Variants in FAM120C observed in about 807,000 individuals in gnomAD.
The protein encoded by FAM120C is family with sequence similarity 120 member C, also known as constitutive coactivator of PPAR-gamma-like protein 2.
A neutral mutation model predicts 71.2 loss-of-function variants in FAM120C; 14 were observed. The observed-to-expected ratio is 0.20, with a 90% confidence interval of 0.13 to 0.31. The LOEUF (loss-of-function observed/expected upper bound fraction) is 0.31. FAM120C is among the 10% of genes least tolerant of loss of function. The pLI, the probability that FAM120C is intolerant of heterozygous loss-of-function variation, is 1.00. For missense variants in FAM120C, 500 were observed against 879.0 expected, an observed-to-expected ratio of 0.57 and a Z score of 5.45; for synonymous variants, 354 against 353.2, an observed-to-expected ratio of 1.00 and a Z score of -0.03.
intron 10 of FAM120C, among the ~76,000 whole-genome samples, chrX:54,108,481 T>C (rs2066918183): frequency 9.0e-6 from 1 of 111,214 alleles, no homozygotes; most frequent in Non-Finnish European, 1.9e-5. Flanking sequence ...ATAACTAGTA[T>C]AAGTCTCAAA....
chrX:54,164,882 T>A (rs1237713011), intron 1 of FAM120C, among the ~76,000 whole-genome samples: 1 of 112,287 alleles, frequency 8.9e-6, no homozygotes, highest in Non-Finnish European at 1.9e-5. Flanking sequence ...CAACAGTGCA[T>A]AAGGGTTCCA....
intron 1 of FAM120C, among the ~76,000 whole-genome samples, chrX:54,181,066 ATTAGT>A (rs1557137334): frequency 6.5e-5 from 7 of 107,554 alleles, no homozygotes; most frequent in African/African-American, 2.0e-4. Context: ...TCACGTTTGG[ATTAGT>A]TTAAATTAAA....
At chrX:54,080,418 C>T in intron 14 of FAM120C, 129 bp from the exon 15 acceptor site, 1 of 507,629 alleles carries the variant, frequency 2.0e-6, no homozygotes, top group Non-Finnish European at 3.4e-6. Context: ...CTCAGTGTTA[C>T]TACTGAACAT....
chrX:54,171,786 G>A (rs974916386), intron 1 of FAM120C: 6 of 112,050 alleles, frequency 5.4e-5, no homozygotes, highest in Non-Finnish European at 1.1e-4. Context: ...TACTTCCGAG[G>A]TATTTGTAGA....
chrX:54,122,897 CT>C, intron 9 of FAM120C, among the ~76,000 whole-genome samples: 2 of 24,991 alleles, frequency 8.0e-5, no homozygotes, highest in African/African-American at 2.1e-4. Flanking sequence ...TTCAGGAGCT[CT>C]TTTAGGGCAG....
intron 1 of FAM120C, among the ~76,000 whole-genome samples, chrX:54,175,069 CCT>C (rs1225189602): frequency 9.0e-6 from 1 of 111,058 alleles, no homozygotes; most frequent in Non-Finnish European, 1.9e-5. Flanking sequence ...GCTTTGTACC[CCT>C]GACTTCAACA....
At chrX:54,112,569 C>T (rs868954224) in intron 10 of FAM120C, among the ~76,000 whole-genome samples, 9 of 108,883 alleles carry the variant, frequency 8.3e-5, no homozygotes, top group African/African-American at 3.0e-4. Context: ...GGGCCGGGTG[C>T]GGTGGCTCAT....
In FAM120C at chrX:54,073,161, G is replaced by A; in HGVS notation, c.3163C>T (p.Gln1055Ter). Residue 1055 changes from glutamine (Q) to a stop codon, truncating the protein, a stop_gained, in exon 16 of 16, where the codon CAA becomes TAA. Transcript: ENST00000375180. LOFTEE classifies it high-confidence loss of function. ...TTGCTGTCTCTGGATAAGGCACATT[G>A]TGATGGAGCTGGAAGACGATGATCA... ...KSDHRLPAPS[Q>*]CALSRDSNEC... is the part of the protein sequence containing the mutation. 8.3e-7 allele frequency: 1 copy of A among 1,211,481 alleles called. No individual in the cohort carries two copies. The highest frequency in any genetic ancestry group is 1.1e-6 in the Non-Finnish European group (1 of 895,459).
At chrX:54,135,431 A>G (rs2067089715) in intron 6 of FAM120C, 97 bp downstream of exon 6, 4 of 766,998 alleles carry the variant, frequency 5.2e-6, no homozygotes, top group Non-Finnish European at 7.7e-6. Context: ...TAGCCCTGAC[A>G]GTCTAATAAC....
Position 54,156,454 on chromosome X carries a change from C to G in FAM120C, c.1029+1235G>C, listed in dbSNP as rs782416823. Among the ~76,000 whole-genome samples, 26 of 106,545 alleles carry G rather than the reference C, an allele frequency of 2.4e-4. No individual in the cohort carries two copies. In the Admixed American group the frequency reaches 2.7e-3, roughly 11 times the overall value. 92.5% of individuals were successfully genotyped at this position (106,545 alleles called of 115,157 possible). On this transcript the variant is annotated intron_variant, in intron 3 of 15. Transcript: ENST00000375180. ...TCTCCTGCCTCAGCCTCCTGAGTGGCTGGGACTACAGGCACGTGCCACCAC... is the reference window on the plus strand; with the variant it reads ...TCTCCTGCCTCAGCCTCCTGAGTGGGTGGGACTACAGGCACGTGCCACCAC...
At chrX:54,087,508 CAG>C (rs1281417382) in intron 12 of FAM120C, among the ~76,000 whole-genome samples, 3 of 110,643 alleles carry the variant, frequency 2.7e-5, no homozygotes, top group African/African-American at 9.9e-5. Flanking sequence ...AAGAAATACT[CAG>C]AGTAAGAAAA....
At chrX:54,111,830 C>T (rs1290506210) in intron 10 of FAM120C, among the ~76,000 whole-genome samples, 3 of 111,760 alleles carry the variant, frequency 2.7e-5, no homozygotes, top group Non-Finnish European at 5.6e-5. Flanking sequence ...GTAGCCAAAA[C>T]AATACTACAC....
intron 10 of FAM120C, among the ~76,000 whole-genome samples, chrX:54,106,058 AC>A (rs1183290912): frequency 8.9e-6 from 1 of 111,928 alleles, no homozygotes; most frequent in Non-Finnish European, 1.9e-5. Flanking sequence ...GAAAAAAACT[AC>A]TTTAAATTTC....
At chrX:54,104,185 A>G (rs1339994296) in intron 10 of FAM120C, among the ~76,000 whole-genome samples, 7 of 111,751 alleles carry the variant, frequency 6.3e-5, no homozygotes, top group African/African-American at 2.3e-4. Context: ...AGCCTGACTG[A>G]GTTCTTCAGT....
Position 54,074,095 on chromosome X carries a change from G to A in FAM120C, c.3037-808C>T, listed in dbSNP as rs1213139688. Reference sequence around the variant, plus strand: ...CCTGCCTCAGCCTCCCAAAGTGCTGGGATTATGGGTGTGAGCCACCGCACC... The same window carrying A: ...CCTGCCTCAGCCTCCCAAAGTGCTGAGATTATGGGTGTGAGCCACCGCACC... On this transcript the variant is annotated intron_variant, in intron 15 of 15. Coordinates refer to ENST00000375180, the MANE Select transcript of FAM120C (RefSeq NM_017848.6). Among the ~76,000 whole-genome samples the A allele has an allele frequency of 1.5e-4, 17 of 111,535 alleles. No homozygotes were observed. In the Admixed American group the frequency reaches 1.6e-3, roughly 11 times the overall value.
chrX:54,144,398 C>T (rs1227024265), intron 4 of FAM120C, among the ~76,000 whole-genome samples: 4 of 111,827 alleles, frequency 3.6e-5, no homozygotes, highest in South Asian at 3.7e-4. Context: ...GATGACATGA[C>T]TGTATATTTA....
chrX:54,180,497 C>T (rs1158316045), intron 1 of FAM120C, among the ~76,000 whole-genome samples: 1 of 112,605 alleles, frequency 8.9e-6, no homozygotes, highest in Non-Finnish European at 1.9e-5. Flanking sequence ...GCAGCTAGTA[C>T]TTAGCCTACA....
intron 10 of FAM120C, among the ~76,000 whole-genome samples, chrX:54,110,942 C>T (rs886264000): frequency 9.1e-6 from 1 of 109,835 alleles, no homozygotes; most frequent in Non-Finnish European, 1.9e-5. Flanking sequence ...CCCCTGTAAT[C>T]CCAGCTATTC....
chrX:54,179,209 T>C (rs187683185), intron 1 of FAM120C, among the ~76,000 whole-genome samples: 111 of 112,302 alleles, frequency 9.9e-4, no homozygotes, highest in African/African-American at 3.2e-3. Context: ...ACACACTGGA[T>C]CTTTTCATGG....
Sources: allele counts gnomAD v4.1 joint callset (sites outside exome capture counted in the v4.1 genomes callset), GRCh38; gene constraint gnomAD v4.1.1; transcripts MANE v1.5; gene names NCBI Gene and HGNC (gene_info 2026-07-23, HGNC 2026-07-21).